CRAT: variants seen among roughly 807,000 people sequenced by gnomAD.
CRAT encodes the protein carnitine acetylase.
A neutral mutation model predicts 73.7 loss-of-function variants in CRAT; 66 were observed. The ratio of observed to expected loss-of-function variants is 0.90; its 90% CI spans 0.73 to 1.10. CRAT has a LOEUF of 1.10. Ranked by LOEUF, CRAT falls within the 50% of genes least tolerant of loss-of-function variation. The pLI is 0.00. For missense variants in CRAT, 745 were observed against 846.9 expected, an observed-to-expected ratio of 0.88 and a Z score of 1.49; for synonymous variants, 321 against 343.2, an observed-to-expected ratio of 0.94 and a Z score of 0.71.
At chr9:129,098,745 G>A (rs1847457541) in intron 8 of CRAT, 95 bp from the exon 9 acceptor site, 3 of 1,450,924 alleles carry the variant, frequency 2.1e-6, no homozygotes, top group Non-Finnish European at 2.8e-6. Context: ...CCTGAAGCTG[G>A]AGGGGGCCAG....
chr9:129,101,268 C>G (rs1265055276), intron 6 of CRAT, among the ~76,000 whole-genome samples: 28 of 152,208 alleles, frequency 1.8e-4, no homozygotes, highest in Admixed American at 1.7e-3. Flanking sequence ...CGGGGCCCAG[C>G]ATGCCGGGGG....
chr9:129,109,721 C>T (rs1345547754), intron 1 of CRAT, among the ~76,000 whole-genome samples: 2 of 152,150 alleles, frequency 1.3e-5, no homozygotes, highest in Admixed American at 1.3e-4. Flanking sequence ...CCTGGATGCA[C>T]CCTCCGCCCT....
In CRAT at chr9:129,097,326, G is replaced by T; in HGVS notation, c.1465-14C>A. On this transcript the variant is annotated splice_polypyrimidine_tract_variant and intron_variant, in intron 11 of 13. Coordinates refer to ENST00000318080, the MANE Select transcript of CRAT (RefSeq NM_000755.5). ...CTTCTGGTGCTCCTAGAGTGGTGAG[G>T]GTCAGAGGGAGCTGAAGCACTGTCC... 1 of 1,558,926 alleles carries T rather than the reference G, an allele frequency of 6.4e-7. No homozygotes were observed. The highest frequency in any genetic ancestry group is 8.7e-7 in the Non-Finnish European group (1 of 1,151,672).
intron 1 of CRAT, chr9:129,108,443 T>C: frequency 8.5e-7 from 1 of 1,170,770 alleles, no homozygotes; most frequent in Non-Finnish European, 1.1e-6. Context: ...GTGGTGACTG[T>C]CCCTCTTGGA....
Position 129,094,796 on chromosome 9 carries a change from C to T in CRAT, c.*601G>A, listed in dbSNP as rs1281149542. ...CTGCCTCTCAGCTGAAACACCTCTT[C>T]ACCAACACAATTCCCCTTTATTGAT... is the stretch of plus-strand genomic sequence containing the variant. On this transcript the variant is annotated 3_prime_UTR_variant, in exon 14 of 14. Transcript: ENST00000318080. The T allele has an allele frequency of 6.5e-6, 1 of 153,076 alleles. No homozygotes were observed. Among genetic ancestry groups the T allele is most frequent in the Non-Finnish European group, 1.5e-5 (1 of 68,642 alleles). The allele number at this position is 153,076 out of a possible 1,614,324, so 9.5% of individuals were successfully genotyped here. A position where few individuals can be genotyped will look rare whatever the true frequency, so the allele number is the denominator to read the frequency against.
At chr9:129,104,752 CA>C (rs1319934519) in intron 2 of CRAT, among the ~76,000 whole-genome samples, 1 of 151,040 alleles carries the variant, frequency 6.6e-6, no homozygotes, top group Non-Finnish European at 1.5e-5. Flanking sequence ...CTACAGGCGC[CA>C]GCCACCACAC....
intron 5 of CRAT, 129 bp from the exon 6 acceptor site, chr9:129,102,186 G>T (rs570902635): frequency 2.8e-5 from 34 of 1,204,520 alleles, no homozygotes; most frequent in Middle Eastern, 2.9e-4. Context: ...AAGGGTGAGA[G>T]GGGGAGGAGG....
rs1283263075 is a variant in CRAT, at chr9:129,107,485, C to T, written c.291+329G>A. Reference sequence around the variant, plus strand: ...GTCACTGAGTGACACATATCCCCTGCCTGAGGCTGTCCCACCAAGCACAAG... The same window carrying T: ...GTCACTGAGTGACACATATCCCCTGTCTGAGGCTGTCCCACCAAGCACAAG... On this transcript the variant is annotated intron_variant, in intron 2 of 13. Transcript: ENST00000318080. This position sits in a 1 kb window ranked among gnomAD's most constrained non-coding sequence, Gnocchi z 5.0. The T allele has an allele frequency of 1.6e-6, 1 of 621,720 alleles. No homozygotes were observed. The highest frequency in any genetic ancestry group is 2.9e-6 in the Non-Finnish European group (1 of 342,170). 38.5% of individuals were successfully genotyped at this position (621,720 alleles called of 1,614,324 possible).
chr9:129,102,990 T>A (rs1251735174), intron 4 of CRAT, 23 bp downstream of exon 4: 1 of 1,608,158 alleles, frequency 6.2e-7, no homozygotes, highest in South Asian at 1.1e-5. Flanking sequence ...GGTGTGGGGC[T>A]GGGCAGGGGT....
At position 129,107,279 on chromosome 9, in the gene CRAT, G is replaced by A. The variant is rs113291710; in HGVS notation, c.291+535C>T. 9.3e-3 allele frequency: 2,421 copies of A among 261,574 alleles called. 100 individuals carry two copies. The Admixed American group carries it at 0.094, about 10-fold the overall frequency. The allele number at this position is 261,574 out of a possible 1,614,324, so 16.2% of individuals were successfully genotyped here. On this transcript the variant is annotated intron_variant, in intron 2 of 13. Transcript: ENST00000318080. This position sits in a 1 kb window ranked among gnomAD's most constrained non-coding sequence, Gnocchi z 5.0. The stretch of plus-strand genomic sequence containing the variant: ...GAACTCCTGACCTTGTGATCTGCCC[G>A]CCTTGGACTCCCAAAGTGCTGGGAT...
intron 7 of CRAT, 77 bp from the exon 8 acceptor site, chr9:129,100,043 A>C: frequency 8.8e-7 from 1 of 1,139,956 alleles, no homozygotes; most frequent in Non-Finnish European, 1.3e-6. Flanking sequence ...TCTTTGGTTG[A>C]GGCAAGGGCC....
chr9:129,097,811 G>A, intron 11 of CRAT: 1 of 707,428 alleles, frequency 1.4e-6, no homozygotes, highest in Non-Finnish European at 2.3e-6. Context: ...ATGAATAAAT[G>A]AATGAACAAA....
intron 7 of CRAT, 21 bp downstream of exon 7, chr9:129,100,490 C>G (rs1162086918): frequency 1.2e-6 from 2 of 1,602,192 alleles, no homozygotes; most frequent in Admixed American, 3.4e-5. Flanking sequence ...TGTGAGTGGG[C>G]GAAGCCCTGC....
At chr9:129,095,945 T>C in intron 13 of CRAT, 53 bp downstream of exon 13, 1 of 1,610,890 alleles carries the variant, frequency 6.2e-7, no homozygotes, top group Non-Finnish European at 8.5e-7. Flanking sequence ...CACATCAAAC[T>C]ACCAGTGGGT....
chr9:129,104,431 T>C (rs1008518537), intron 2 of CRAT, 125 bp from the exon 3 acceptor site: 15 of 689,984 alleles, frequency 2.2e-5, no homozygotes, highest in Non-Finnish European at 3.5e-5. Flanking sequence ...TCAAAGTAAA[T>C]GCCTAGATCC....
chr9:129,110,685 C>G lies in CRAT; in HGVS notation c.-176G>C, dbSNP rs1461016735. 2.5e-6 allele frequency: 2 copies of G among 801,374 alleles called. No homozygotes were observed. Among genetic ancestry groups the G allele is most frequent in the Non-Finnish European group, 3.6e-6 (2 of 552,872 alleles). 49.6% of individuals were successfully genotyped at this position (801,374 alleles called of 1,614,324 possible). A position where few individuals can be genotyped will look rare whatever the true frequency, so the allele number is the denominator to read the frequency against. Reference sequence around the variant, plus strand: ...CCCCGCGCCCACCCTCTGGGCCGAGCGGGCTGCGGGAAGGCACCCGGGGAG... The same window carrying G: ...CCCCGCGCCCACCCTCTGGGCCGAGGGGGCTGCGGGAAGGCACCCGGGGAG... On this transcript the variant is annotated 5_prime_UTR_variant, in exon 1 of 14. Transcript: ENST00000318080. This position sits in a 1 kb window ranked among gnomAD's most constrained non-coding sequence, Gnocchi z 5.3.
At position 129,095,248 on chromosome 9, in the gene CRAT, C is replaced by T; in HGVS notation, c.*149G>A. 1.2e-6 allele frequency: 1 copy of T among 867,946 alleles called. No individual in the cohort carries two copies. The highest frequency in any genetic ancestry group is 1.7e-6 in the Non-Finnish European group (1 of 572,642). The allele number at this position is 867,946 out of a possible 1,614,324, so 53.8% of individuals were successfully genotyped here. On this transcript the variant is annotated 3_prime_UTR_variant, in exon 14 of 14. Coordinates refer to ENST00000318080, the MANE Select transcript of CRAT (RefSeq NM_000755.5). ...GCACTTGGCTGGGGCCTGCAGGCCC[C>T]CTGGAGGATGCGGTCCGTGGCTCAG...
intron 12 of CRAT, among the ~76,000 whole-genome samples, 156 bp downstream of exon 12, chr9:129,097,094 G>C (rs537983019): frequency 3.7e-4 from 57 of 152,148 alleles, no homozygotes; most frequent in Non-Finnish European, 7.5e-4. Flanking sequence ...AAAAAGTTGG[G>C]GGCTATTCAG....
chr9:129,096,553 G>A (rs141119384), intron 12 of CRAT, among the ~76,000 whole-genome samples: 2 of 152,392 alleles, frequency 1.3e-5, no homozygotes, highest in Non-Finnish European at 2.9e-5. Context: ...GGTGCTCAGA[G>A]ACAGAGCCAG....
Sources: allele counts gnomAD v4.1 joint callset (sites outside exome capture counted in the v4.1 genomes callset), GRCh38; gene constraint gnomAD v4.1.1; non-coding constraint Gnocchi (gnomAD v3.1); transcripts MANE v1.5; gene names NCBI Gene and HGNC (gene_info 2026-07-23, HGNC 2026-07-21).